SGK3: variants seen among roughly 807,000 people sequenced by gnomAD.
SGK3 encodes serine/threonine-protein kinase Sgk3.
A neutral mutation model predicts 68.5 loss-of-function variants in SGK3; 47 were observed. The observed-to-expected ratio is 0.69, with a 90% CI of 0.54 to 0.87. The LOEUF (loss-of-function observed/expected upper bound fraction) is 0.87. Ranked by LOEUF, SGK3 falls within the 40% of genes least tolerant of loss-of-function variation. SGK3 has a pLI of 0.00. For synonymous variants in SGK3, 181 were observed against 189.1 expected (o/e 0.96, Z 0.35); for missense variants, 479 against 575.5 (o/e 0.83, Z 1.72).
intron 4 of SGK3, among the ~76,000 whole-genome samples, chr8:66,810,939 C>T (rs1808358051): frequency 6.6e-6 from 1 of 152,102 alleles, no homozygotes; most frequent in South Asian, 2.1e-4. Flanking sequence ...TGATCTCTGC[C>T]TGTACTTTTT....
chr8:66,817,066 A>C (rs1034758772), intron 5 of SGK3, among the ~76,000 whole-genome samples: 1 of 150,324 alleles, frequency 6.7e-6, no homozygotes, highest in Non-Finnish European at 1.5e-5. Flanking sequence ...CTGACCTCAG[A>C]TGATCTGCCT....
intron 1 of SGK3, among the ~76,000 whole-genome samples, chr8:66,789,496 T>C (rs992899984): frequency 6.6e-6 from 1 of 152,218 alleles, no homozygotes; most frequent in Non-Finnish European, 1.5e-5. Context: ...GTTTCCACTA[T>C]AATTCTATTA....
chr8:66,735,509 A>G (rs2130380248), intron 1 of SGK3, among the ~76,000 whole-genome samples: 1 of 152,252 alleles, frequency 6.6e-6, no homozygotes, highest in Non-Finnish European at 1.5e-5. Context: ...TGGGTAAGTG[A>G]TTGTGCTGAG....
chr8:66,737,043 ATTGGG>A (rs1805338019), intron 1 of SGK3, among the ~76,000 whole-genome samples: 1 of 149,472 alleles, frequency 6.7e-6, no homozygotes, highest in South Asian at 2.1e-4. Context: ...CTCCCAAAGT[ATTGGG>A]ATTACAGGCA....
At chr8:66,719,416 T>C (rs896826847) in intron 1 of SGK3, among the ~76,000 whole-genome samples, 9 of 152,160 alleles carry the variant, frequency 5.9e-5, no homozygotes, top group Admixed American at 2.0e-4. Context: ...AGTTTCGACC[T>C]CTAGGGTTCA....
At chr8:66,746,636 T>A (rs1391524143) in intron 1 of SGK3, among the ~76,000 whole-genome samples, 1 of 152,034 alleles carries the variant, frequency 6.6e-6, no homozygotes. Context: ...TCACTGCAGC[T>A]CTGAACTCTT....
intron 14 of SGK3, among the ~76,000 whole-genome samples, chr8:66,846,216 A>G (rs1255794657): frequency 6.6e-6 from 1 of 152,184 alleles, no homozygotes; most frequent in African/African-American, 2.4e-5. Context: ...TAGGTTACAT[A>G]TTACAACCTT....
At chr8:66,725,475 G>A (rs1190594275) in intron 1 of SGK3, among the ~76,000 whole-genome samples, 3 of 151,480 alleles carry the variant, frequency 2.0e-5, no homozygotes, top group Non-Finnish European at 4.4e-5. Flanking sequence ...TGGGTGGGAA[G>A]CCGACTTCTC....
rs1302963520 is a variant in SGK3 at position 66,860,948 on chromosome 8, C to T, written c.*1367C>T. On this transcript the variant is annotated 3_prime_UTR_variant, in exon 17 of 17. Coordinates refer to ENST00000521198, the MANE Select transcript of SGK3 (RefSeq NM_001033578.3). The stretch of plus-strand genomic sequence containing the variant: ...GACCATCCTGGGCAACATGGCGAAA[C>T]CCTATCTCTACAAAAAATACAAAAA... 6.6e-6 allele frequency: 1 copy of T among 151,694 alleles called. No individual in the cohort carries two copies. The highest frequency in any genetic ancestry group is 2.4e-5 in the African/African-American group (1 of 41,284). The allele number at this position is 151,694 out of a possible 1,614,324, so 9.4% of individuals were successfully genotyped here.
chr8:66,781,054 C>G (rs905426033), intron 1 of SGK3, among the ~76,000 whole-genome samples: 1 of 152,194 alleles, frequency 6.6e-6, no homozygotes, highest in East Asian at 1.9e-4. Context: ...CAGGCCCCAT[C>G]CATCTGCCAG....
intron 12 of SGK3, 133 bp downstream of exon 12, chr8:66,840,380 T>C: frequency 1.1e-6 from 1 of 922,774 alleles, no homozygotes; most frequent in Non-Finnish European, 1.6e-6. Context: ...GACAAAACGG[T>C]AGGGATGGAG....
At position 66,844,638 on chromosome 8, in the gene SGK3, A is replaced by G. The variant is rs137886128; in HGVS notation, c.1074+1091A>G. ...GGTCCCCTAAGTGTCCAGCAGCCTC[A>G]TGCTGGGAACCATGTGCGAATCCCT... On this transcript the variant is annotated intron_variant, in intron 14 of 16. Coordinates refer to ENST00000521198, the MANE Select transcript of SGK3 (RefSeq NM_001033578.3). Among the ~76,000 whole-genome samples the G allele has an allele frequency of 4.2e-3, 643 of 152,326 alleles. 5 individuals carry two copies. Among genetic ancestry groups the G allele is most frequent in the African/African-American group, 0.015 (613 of 41,574 alleles).
chr8:66,730,067 T>C (rs1435496403), intron 1 of SGK3, among the ~76,000 whole-genome samples: 5 of 152,142 alleles, frequency 3.3e-5, no homozygotes, highest in South Asian at 2.1e-4. Context: ...CCCTACCTTA[T>C]TTTACAATCT....
chr8:66,741,142 T>G (rs1805466922), intron 1 of SGK3, among the ~76,000 whole-genome samples: 1 of 152,186 alleles, frequency 6.6e-6, no homozygotes, highest in South Asian at 2.1e-4. Context: ...CTGGACAGTT[T>G]GATCAGTTTA....
intron 1 of SGK3, among the ~76,000 whole-genome samples, chr8:66,748,641 C>A (rs1805718057): frequency 6.6e-6 from 1 of 152,126 alleles, no homozygotes; most frequent in Admixed American, 6.6e-5. Flanking sequence ...GCCAGCAGTG[C>A]CTTGGATTCA....
intron 1 of SGK3, among the ~76,000 whole-genome samples, chr8:66,745,023 G>A (rs1805612708): frequency 6.6e-6 from 1 of 151,400 alleles, no homozygotes; most frequent in African/African-American, 2.4e-5. Context: ...TGCTTTTTTA[G>A]TCTTTTATTT....
At position 66,852,096 on chromosome 8, in the gene SGK3, C is replaced by G. The variant is rs551717942; in HGVS notation, c.1320+1176C>G. On this transcript the variant is annotated intron_variant, in intron 16 of 16. Coordinates refer to ENST00000521198, the MANE Select transcript of SGK3 (RefSeq NM_001033578.3). The stretch of plus-strand genomic sequence containing the variant: ...AAAATGAGCAAGCACTTAGAAAATC[C>G]TTATAAAGTTACATGAAAACATGGT... Among the ~76,000 whole-genome samples the G allele has an allele frequency of 2.0e-5, 3 of 151,930 alleles. No homozygotes were observed. The East Asian group carries it at 5.8e-4, about 29-fold the overall frequency.
At chr8:66,734,904 C>A (rs988082132) in intron 1 of SGK3, among the ~76,000 whole-genome samples, 4 of 148,428 alleles carry the variant, frequency 2.7e-5, no homozygotes, top group African/African-American at 7.6e-5. Context: ...CCGAGACTGT[C>A]ATTGCACTCC....
intron 2 of SGK3, among the ~76,000 whole-genome samples, chr8:66,794,397 T>A (rs1807588543): frequency 6.6e-6 from 1 of 152,108 alleles, no homozygotes; most frequent in South Asian, 2.1e-4. Context: ...CTTTTCTAAT[T>A]AGTGTGCTGA....
Sources: allele counts gnomAD v4.1 joint callset (sites outside exome capture counted in the v4.1 genomes callset), GRCh38; gene constraint gnomAD v4.1.1; transcripts MANE v1.5; gene names NCBI Gene and HGNC (gene_info 2026-07-23, HGNC 2026-07-21).